ERBB4: variants seen among roughly 807,000 people sequenced by gnomAD.
ERBB4 encodes erb-b2 receptor tyrosine kinase 4.
A neutral mutation model predicts 158.0 loss-of-function variants in ERBB4; 42 were observed. That is an observed-to-expected ratio of 0.27 (90% CI 0.21 to 0.34). The LOEUF is 0.34. Ranked by LOEUF, ERBB4 falls within the 10% of genes least tolerant of loss-of-function variation. ERBB4 has a pLI of 1.00. For missense variants in ERBB4, 1,333 were observed against 1,624.1 expected (o/e 0.82, Z 3.08); for synonymous variants, 583 against 558.7 (o/e 1.04, Z -0.61).
intron 2 of ERBB4, among the ~76,000 whole-genome samples, chr2:212,088,898 G>C (rs1487552668): frequency 6.6e-6 from 1 of 152,086 alleles, no homozygotes; most frequent in Admixed American, 6.6e-5. Flanking sequence ...GTTTACAGCA[G>C]TAACCAAAAG....
intron 1 of ERBB4, among the ~76,000 whole-genome samples, chr2:212,519,653 G>T (rs1372864186): frequency 6.6e-6 from 1 of 151,868 alleles, no homozygotes; most frequent in Non-Finnish European, 1.5e-5. Flanking sequence ...GGGTGAATCT[G>T]TCGGACATTA....
At chr2:211,926,874 T>G (rs1375802628) in intron 3 of ERBB4, among the ~76,000 whole-genome samples, 1 of 152,134 alleles carries the variant, frequency 6.6e-6, no homozygotes, top group African/African-American at 2.4e-5. Context: ...CAGTGACTGC[T>G]TAACTGTTTT....
At chr2:212,389,270 T>C (rs996391080) in intron 1 of ERBB4, among the ~76,000 whole-genome samples, 3 of 152,012 alleles carry the variant, frequency 2.0e-5, no homozygotes, top group Non-Finnish European at 4.4e-5. Flanking sequence ...ATATTGAAAA[T>C]GAGTATTCAC....
chr2:212,297,207 G>A (rs901741135), intron 1 of ERBB4, among the ~76,000 whole-genome samples: 3 of 151,864 alleles, frequency 2.0e-5, no homozygotes, highest in African/African-American at 7.3e-5. Flanking sequence ...AAAATTAATT[G>A]GTAGCAATAC....
At chr2:212,423,169 A>C (rs2091834805) in intron 1 of ERBB4, among the ~76,000 whole-genome samples, 1 of 152,046 alleles carries the variant, frequency 6.6e-6, no homozygotes, top group Admixed American at 6.6e-5. Flanking sequence ...AGGTAAGTGA[A>C]GGGGGCAAAA....
chr2:212,387,335 A>AC (rs1273542599), intron 1 of ERBB4, among the ~76,000 whole-genome samples: 2 of 152,174 alleles, frequency 1.3e-5, no homozygotes, highest in African/African-American at 4.8e-5. Context: ...AAGAATGCAT[A>AC]CAGCAGCGTT....
intron 3 of ERBB4, among the ~76,000 whole-genome samples, chr2:211,810,515 C>A (rs1267551708): frequency 1.3e-5 from 2 of 152,070 alleles, no homozygotes; most frequent in East Asian, 3.9e-4. Context: ...ATTGCAACCC[C>A]GGCCGTTTTT....
At chr2:212,406,774 T>C (rs1370740894) in intron 1 of ERBB4, among the ~76,000 whole-genome samples, 2 of 151,992 alleles carry the variant, frequency 1.3e-5, no homozygotes, top group East Asian at 1.9e-4. Flanking sequence ...GCATTATGAG[T>C]CCTTCAGTGA....
At chr2:211,494,766 G>C (rs1194726720) in intron 20 of ERBB4, among the ~76,000 whole-genome samples, 1 of 152,100 alleles carries the variant, frequency 6.6e-6, no homozygotes, top group East Asian at 1.9e-4. Flanking sequence ...CTTCAAAGCT[G>C]CATGTTATTT....
chr2:211,529,698 C>T (rs1327991877), intron 20 of ERBB4, among the ~76,000 whole-genome samples: 1 of 152,030 alleles, frequency 6.6e-6, no homozygotes, highest in Non-Finnish European at 1.5e-5. Flanking sequence ...TCAACATATG[C>T]AAATCAACTA....
intron 1 of ERBB4, among the ~76,000 whole-genome samples, chr2:212,503,011 C>T (rs1690978219): frequency 6.6e-6 from 1 of 152,184 alleles, no homozygotes; most frequent in Non-Finnish European, 1.5e-5. Flanking sequence ...GATCCACCCA[C>T]CTCAACCTCC....
rs920095099 is a variant in ERBB4 at position 212,007,753 on chromosome 2, G to A, written c.235-60137C>T. On this transcript the variant is annotated intron_variant, in intron 2 of 27. Transcript: ENST00000342788. ...CATCTGTGATATTTTGAAGTTACCTGAGAAGAATATTAATGAGGGACACAA... is the reference window on the plus strand; with the variant it reads ...CATCTGTGATATTTTGAAGTTACCTAAGAAGAATATTAATGAGGGACACAA... Among the ~76,000 whole-genome samples the A allele has an allele frequency of 4.0e-5, 6 of 151,860 alleles. No homozygotes were observed. In the East Asian group the frequency reaches 1.2e-3, roughly 29 times the overall value.
intron 9 of ERBB4, among the ~76,000 whole-genome samples, chr2:211,707,389 A>G (rs2106059976): frequency 6.6e-6 from 1 of 152,328 alleles, no homozygotes; most frequent in East Asian, 1.9e-4. Context: ...ATTCGGAGCC[A>G]TGCAAAAGAA....
intron 25 of ERBB4, among the ~76,000 whole-genome samples, chr2:211,400,776 CAT>C (rs145253415): frequency 0.06 from 9,077 of 151,438 alleles, 305 homozygotes; most frequent in African/African-American, 0.091. Flanking sequence ...TAAATAAAAA[CAT>C]ATAACTGGAT....
chr2:211,612,378 G>C (rs2069233247), intron 19 of ERBB4, among the ~76,000 whole-genome samples: 1 of 152,014 alleles, frequency 6.6e-6, no homozygotes, highest in Middle Eastern at 3.4e-3. Context: ...GTGGTGGAGA[G>C]TGGAATTCTA....
chr2:212,311,917 G>T (rs554118903), intron 1 of ERBB4, among the ~76,000 whole-genome samples: 1 of 150,872 alleles, frequency 6.6e-6, no homozygotes, highest in African/African-American at 2.4e-5. Flanking sequence ...CTCAACTCCT[G>T]GTGAATAAAT....
intron 3 of ERBB4, among the ~76,000 whole-genome samples, chr2:211,812,412 C>T (rs908082930): frequency 6.6e-6 from 1 of 152,196 alleles, no homozygotes; most frequent in Non-Finnish European, 1.5e-5. Context: ...CCTCTGGAAG[C>T]TTCATCCCAG....
At chr2:211,848,943 G>T (rs529917940) in intron 3 of ERBB4, among the ~76,000 whole-genome samples, 2 of 152,128 alleles carry the variant, frequency 1.3e-5, no homozygotes, top group South Asian at 4.1e-4. Flanking sequence ...AAAGTGATTG[G>T]TATGTCATTG....
At chr2:212,108,203 C>T (rs1002642333) in intron 2 of ERBB4, among the ~76,000 whole-genome samples, 3 of 151,976 alleles carry the variant, frequency 2.0e-5, no homozygotes, top group Admixed American at 2.0e-4. Context: ...AGACACAGCA[C>T]GAGCAAAAAC....
Sources: allele counts gnomAD v4.1 joint callset (sites outside exome capture counted in the v4.1 genomes callset), GRCh38; gene constraint gnomAD v4.1.1; transcripts MANE v1.5; gene names NCBI Gene and HGNC (gene_info 2026-07-23, HGNC 2026-07-21).